C12orf42: variants seen among roughly 807,000 people sequenced by gnomAD.
C12orf42 encodes uncharacterized protein C12orf42.
In C12orf42, 25 loss-of-function variants were observed where a neutral mutation model predicts 21.6. The observed-to-expected ratio is 1.16, with a 90% CI of 0.84 to 1.62. C12orf42 has a LOEUF of 1.62. Among genes scored for constraint, C12orf42 ranks in the 40% most tolerant of loss-of-function variants. The probability of loss-of-function intolerance (pLI) is 0.00; values close to 1 mark genes in which losing one functional copy is unlikely to be tolerated. For missense variants in C12orf42, 483 were observed against 459.3 expected (o/e 1.05, Z -0.47); for synonymous variants, 174 against 175.0 (o/e 0.99, Z 0.05).
At chr12:103,387,673 T>C (rs2046728549) in intron 3 of C12orf42, among the ~76,000 whole-genome samples, 1 of 152,226 alleles carries the variant, frequency 6.6e-6, no homozygotes, top group African/African-American at 2.4e-5. Flanking sequence ...AGCAGTGGCT[T>C]GGTCTCTCCC....
chr12:103,312,913 T>C (rs1023249832), intron 4 of C12orf42, among the ~76,000 whole-genome samples: 1 of 152,192 alleles, frequency 6.6e-6, no homozygotes, highest in African/African-American at 2.4e-5. Context: ...TTTGATACAA[T>C]AGAAAAAGAC....
At chr12:103,275,030 C>T (rs1301514061) in intron 5 of C12orf42, among the ~76,000 whole-genome samples, 5 of 151,314 alleles carry the variant, frequency 3.3e-5, no homozygotes, top group Non-Finnish European at 5.9e-5. Context: ...CTTTTTTTTC[C>T]ACCAATATTT....
intron 2 of C12orf42, among the ~76,000 whole-genome samples, chr12:103,433,974 T>C (rs1185686480): frequency 6.6e-6 from 1 of 152,234 alleles, no homozygotes; most frequent in Non-Finnish European, 1.5e-5. Flanking sequence ...TGTTCGAGAA[T>C]TTCTATAAGA....
the C12orf42 span, among the ~76,000 whole-genome samples, chr12:103,099,749 T>C: frequency 6.6e-6 from 1 of 152,230 alleles, no homozygotes; most frequent in East Asian, 1.9e-4. Context: ...ATAGGACCAA[T>C]TCTCAACAAC....
At chr12:103,524,158 C>G in the C12orf42 span, among the ~76,000 whole-genome samples, 1 of 152,154 alleles carries the variant, frequency 6.6e-6, no homozygotes, top group Non-Finnish European at 1.5e-5. Context: ...TCTGCCTATC[C>G]TTTTGCAAGG....
At chr12:103,314,326 C>T (rs939625496) in intron 4 of C12orf42, among the ~76,000 whole-genome samples, 5 of 152,044 alleles carry the variant, frequency 3.3e-5, no homozygotes, top group East Asian at 3.9e-4. Flanking sequence ...AGAAGGCAGC[C>T]GGCAGTTGCC....
intron 10 of C12orf42, among the ~76,000 whole-genome samples, chr12:103,241,387 C>A (rs1279230882): frequency 6.6e-6 from 1 of 152,086 alleles, no homozygotes; most frequent in Non-Finnish European, 1.5e-5. Context: ...AAGGTAAATA[C>A]AACTGAACAG....
Position 103,401,003 on chromosome 12 carries a change from C to T in C12orf42, c.147+604G>A, listed in dbSNP as rs181156280. 1.4e-3 allele frequency among the ~76,000 whole-genome samples: 214 copies of T among 152,144 alleles called. 1 individual carries two copies. The highest frequency in any genetic ancestry group is 5.0e-3 in the African/African-American group (207 of 41,518). On this transcript the variant is annotated intron_variant, in intron 3 of 5. Coordinates refer to ENST00000548883, the MANE Select transcript of C12orf42 (RefSeq NM_198521.5). ...AATCCTGCTTTTGTAAACAAAGCTC[C>T]GGTGGGACTGAATCTGGAAAGCTAC... is the stretch of plus-strand genomic sequence containing the variant.
chr12:103,219,457 A>G, the C12orf42 span, among the ~76,000 whole-genome samples: 1 of 152,336 alleles, frequency 6.6e-6, no homozygotes, highest in Admixed American at 6.5e-5. Flanking sequence ...AGAAACTGTC[A>G]TCAGACTGAA....
At chr12:103,483,524 T>A (rs1313010938) in intron 1 of C12orf42, among the ~76,000 whole-genome samples, 2 of 152,164 alleles carry the variant, frequency 1.3e-5, no homozygotes, top group Non-Finnish European at 2.9e-5. Flanking sequence ...ACTCAAGCAT[T>A]TATGAGAGCT....
chr12:103,520,943 T>A, the C12orf42 span, among the ~76,000 whole-genome samples: 6 of 152,224 alleles, frequency 3.9e-5, no homozygotes, highest in African/African-American at 1.4e-4. Flanking sequence ...AAGGAATTAG[T>A]CATTCCCTTC....
chr12:103,053,755 G>C, the C12orf42 span, among the ~76,000 whole-genome samples: 3 of 151,912 alleles, frequency 2.0e-5, no homozygotes, highest in East Asian at 5.8e-4. Flanking sequence ...TCCATGATCT[G>C]TTTTAAGTTA....
At chr12:103,089,434 T>C in the C12orf42 span, among the ~76,000 whole-genome samples, 5 of 152,292 alleles carry the variant, frequency 3.3e-5, no homozygotes, top group East Asian at 9.6e-4. Flanking sequence ...AAAATAAATA[T>C]GTACTGTCAA....
chr12:103,336,733 A>G (rs1707042319), intron 4 of C12orf42, among the ~76,000 whole-genome samples: 1 of 152,226 alleles, frequency 6.6e-6, no homozygotes, highest in African/African-American at 2.4e-5. Flanking sequence ...TAATTTGAGC[A>G]AAGTCTTTTT....
chr12:103,168,348 G>T, the C12orf42 span: 1 of 271,286 alleles, frequency 3.7e-6, no homozygotes, highest in Non-Finnish European at 7.3e-6. Flanking sequence ...ATATTTAAGA[G>T]CCTGATGATA....
chr12:103,375,756 A>G (rs1341860457), intron 3 of C12orf42, among the ~76,000 whole-genome samples: 1 of 152,154 alleles, frequency 6.6e-6, no homozygotes, highest in East Asian at 1.9e-4. Flanking sequence ...TTCTGCTTTC[A>G]TTTTACACTG....
intron 4 of C12orf42, 29 bp downstream of exon 4, chr12:103,368,858 G>T: frequency 1.6e-6 from 2 of 1,213,240 alleles, no homozygotes; most frequent in Non-Finnish European, 2.4e-6. Flanking sequence ...GGAAACTCTG[G>T]TCTGTCTTGG....
intron 2 of C12orf42, among the ~76,000 whole-genome samples, chr12:103,460,620 A>G (rs956214362): frequency 6.6e-5 from 10 of 152,154 alleles, no homozygotes; most frequent in African/African-American, 2.4e-4. Flanking sequence ...GAACCTAACC[A>G]GAAGAATGGG....
At chr12:103,349,084 T>A (rs977928112) in intron 4 of C12orf42, 4 of 152,154 alleles carry the variant, frequency 2.6e-5, no homozygotes, top group Admixed American at 2.6e-4. Flanking sequence ...TGTGATTAGT[T>A]TAAAGGAGGT....
Sources: allele counts gnomAD v4.1 joint callset (sites outside exome capture counted in the v4.1 genomes callset), GRCh38; gene constraint gnomAD v4.1.1; transcripts MANE v1.5; gene names NCBI Gene and HGNC (gene_info 2026-07-23, HGNC 2026-07-21).